SMOC1: variants seen among roughly 807,000 people sequenced by gnomAD.
SMOC1 encodes SPARC related modular calcium binding 1, also known as SPARC-related modular calcium-binding protein 1.
In SMOC1, 22 loss-of-function variants were observed where a neutral mutation model predicts 56.3. That is an observed-to-expected ratio of 0.39 (90% CI 0.28 to 0.56). The LOEUF is 0.56. Among genes scored for constraint, SMOC1 ranks in the 20% least tolerant of loss-of-function variants. The pLI, the probability that SMOC1 is intolerant of heterozygous loss-of-function variation, is 0.61. For synonymous variants in SMOC1, 193 were observed against 215.0 expected (o/e 0.90, Z 0.89); for missense variants, 509 against 565.4 (o/e 0.90, Z 1.01).
chr14:70,025,875 T>C (rs924457152), intron 11 of SMOC1, among the ~76,000 whole-genome samples: 11 of 152,220 alleles, frequency 7.2e-5, no homozygotes, highest in African/African-American at 2.7e-4. Context: ...AGGACTGTTG[T>C]GCTGATTAAA....
At chr14:69,921,503 G>T (rs1475277887) in intron 1 of SMOC1, among the ~76,000 whole-genome samples, 1 of 152,192 alleles carries the variant, frequency 6.6e-6, no homozygotes, top group African/African-American at 2.4e-5. Context: ...AACAGTTGTT[G>T]TACATCCCTG....
chr14:69,940,981 G>A (rs532625159), intron 1 of SMOC1, among the ~76,000 whole-genome samples: 7 of 152,284 alleles, frequency 4.6e-5, no homozygotes, highest in African/African-American at 1.4e-4. Context: ...AATGCCTTCC[G>A]TCTCTGAGTA....
chr14:69,904,163 C>T (rs1038737245), intron 1 of SMOC1, among the ~76,000 whole-genome samples: 12 of 152,146 alleles, frequency 7.9e-5, no homozygotes, highest in Admixed American at 2.0e-4. Context: ...TTAATAAATT[C>T]GCTGATAAAT....
chr14:69,948,985 G>A (rs983816599), intron 1 of SMOC1, among the ~76,000 whole-genome samples: 5 of 152,098 alleles, frequency 3.3e-5, no homozygotes, highest in African/African-American at 1.2e-4. Flanking sequence ...CAGAAACACC[G>A]GCCCACCTGC....
At chr14:70,007,319 C>T (rs961538290) in intron 7 of SMOC1, among the ~76,000 whole-genome samples, 1 of 152,190 alleles carries the variant, frequency 6.6e-6, no homozygotes. Flanking sequence ...AAGTCTGGCC[C>T]ATGGTAAATA....
At chr14:69,916,082 C>A (rs1884678984) in intron 1 of SMOC1, among the ~76,000 whole-genome samples, 2 of 152,222 alleles carry the variant, frequency 1.3e-5, no homozygotes, top group Admixed American at 1.3e-4. Flanking sequence ...GTCTGATAGG[C>A]ATCTGAAACC....
Position 70,011,497 on chromosome 14 carries a change from C to T in SMOC1, c.870C>T (p.Pro290=). 1 of 1,613,402 alleles carries T rather than the reference C, an allele frequency of 6.2e-7. No individual in the cohort carries two copies. The highest frequency in any genetic ancestry group is 2.2e-5 in the East Asian group (1 of 44,838). ...LPGTSTRYVM[P]SCESDARAKT... Reference sequence around the variant, plus strand: ...TCTCTTTTCCCAGCTACGTGATGCCCAGTTGTGAGAGCGACGCCAGGGCCA... The same window carrying T: ...TCTCTTTTCCCAGCTACGTGATGCCTAGTTGTGAGAGCGACGCCAGGGCCA... The change falls in exon 9 of 12, where the codon CCC becomes CCT. Residue 290 remains proline, a synonymous_variant. Coordinates refer to ENST00000361956, the MANE Select transcript of SMOC1 (RefSeq NM_001034852.3).
intron 3 of SMOC1, among the ~76,000 whole-genome samples, chr14:69,963,992 ACT>A (rs543650851): frequency 7.2e-5 from 11 of 152,048 alleles, no homozygotes; most frequent in Admixed American, 1.3e-4. Flanking sequence ...TGCTCAGAAC[ACT>A]GTCTCCATTG....
chr14:70,030,608 A>G lies in SMOC1; in HGVS notation c.*350A>G, dbSNP rs1431849092. 1 of 287,374 alleles carries G rather than the reference A, an allele frequency of 3.5e-6. No homozygotes were observed. The highest frequency in any genetic ancestry group is 6.4e-6 in the Non-Finnish European group (1 of 155,686). The allele number at this position is 287,374 out of a possible 1,614,324, so 17.8% of individuals were successfully genotyped here. ...AGATTTATATGCTGTATATAAATAT[A>G]TATGTAAATTGTATAGTTCTTTTGT... On this transcript the variant is annotated 3_prime_UTR_variant, in exon 12 of 12. Transcript: ENST00000361956.
intron 1 of SMOC1, among the ~76,000 whole-genome samples, chr14:69,930,353 G>A (rs1343975171): frequency 1.3e-5 from 2 of 152,162 alleles, no homozygotes; most frequent in Non-Finnish European, 2.9e-5. Context: ...AGGGGCACTT[G>A]CGATGTGCCA....
chr14:69,924,053 G>A (rs149175845), intron 1 of SMOC1, among the ~76,000 whole-genome samples: 68 of 152,310 alleles, frequency 4.5e-4, no homozygotes, highest in African/African-American at 1.4e-3. Flanking sequence ...AACAGCATCC[G>A]CTACAGATAT....
rs544246301 is a variant in SMOC1 at position 70,000,868 on chromosome 14, C to G, written c.664+6388C>G. ...TCATCCCAGCAGCATGCCCTACTTA[C>G]AGTGCCAACTGTAAACATCCCTGTG... is the stretch of plus-strand genomic sequence containing the variant. On this transcript the variant is annotated intron_variant, in intron 7 of 11. Transcript: ENST00000361956. Among the ~76,000 whole-genome samples the G allele has an allele frequency of 4.4e-4, 67 of 152,360 alleles. No homozygotes were observed. The Middle Eastern group carries it at 0.031, about 70-fold the overall frequency.
At chr14:69,937,834 A>G (rs113441746) in intron 1 of SMOC1, among the ~76,000 whole-genome samples, 4,888 of 152,290 alleles carry the variant, frequency 0.032, 254 homozygotes, top group African/African-American at 0.11. Flanking sequence ...ATCAATCAGT[A>G]CAGCAGGATC....
chr14:69,908,362 G>A (rs1170347221), intron 1 of SMOC1, among the ~76,000 whole-genome samples: 3 of 152,186 alleles, frequency 2.0e-5, no homozygotes, highest in Non-Finnish European at 4.4e-5. Context: ...CTGCGTGTGT[G>A]CTCACTTCAA....
chr14:70,026,689 A>T (rs1044754876), intron 11 of SMOC1, among the ~76,000 whole-genome samples: 3 of 152,060 alleles, frequency 2.0e-5, no homozygotes, highest in Non-Finnish European at 2.9e-5. Context: ...CAAAGGTAGG[A>T]CTATGGAAAG....
intron 1 of SMOC1, among the ~76,000 whole-genome samples, chr14:69,903,337 C>G (rs1425455415): frequency 6.6e-6 from 1 of 152,102 alleles, no homozygotes; most frequent in Non-Finnish European, 1.5e-5. Context: ...AGCCCCTCCG[C>G]CCGGCAGCCG....
intron 1 of SMOC1, among the ~76,000 whole-genome samples, chr14:69,932,401 C>T (rs1157949107): frequency 6.6e-6 from 1 of 152,188 alleles, no homozygotes; most frequent in Non-Finnish European, 1.5e-5. Context: ...CACCCTCAGC[C>T]CCACATGCCT....
At chr14:69,975,037 A>G (rs945519385) in intron 3 of SMOC1, among the ~76,000 whole-genome samples, 1 of 152,124 alleles carries the variant, frequency 6.6e-6, no homozygotes, top group African/African-American at 2.4e-5. Context: ...GTACTTGCCA[A>G]ATTAGTTCAA....
intron 1 of SMOC1, among the ~76,000 whole-genome samples, chr14:69,898,993 A>T (rs1031353842): frequency 2.0e-5 from 3 of 152,022 alleles, no homozygotes; most frequent in Admixed American, 6.5e-5. Context: ...TTTTTTGGTG[A>T]GCCTGTGCCC....
Sources: gnomAD v4.1 joint callset for allele counts (sites outside exome capture counted in the v4.1 genomes callset) on GRCh38, gnomAD v4.1.1 for gene constraint, MANE v1.5 for transcripts, NCBI Gene and HGNC (gene_info 2026-07-23, HGNC 2026-07-21) for gene names.